The following CDH18 variants were observed in gnomAD, a reference collection of about 807,000 sequenced individuals.
The protein encoded by CDH18 is cadherin 18.
In CDH18, 31 loss-of-function variants were observed where a neutral mutation model predicts 67.9. The observed-to-expected ratio is 0.46, with a 90% confidence interval of 0.34 to 0.62. The LOEUF is 0.62. Ranked by LOEUF, CDH18 falls within the 20% of genes least tolerant of loss-of-function variation. The probability of loss-of-function intolerance (pLI) is 0.01; values close to 1 mark genes in which losing one functional copy is unlikely to be tolerated. For missense variants in CDH18, 890 were observed against 975.5 expected, an observed-to-expected ratio of 0.91 and a Z score of 1.17; for synonymous variants, 362 against 347.2, an observed-to-expected ratio of 1.04 and a Z score of -0.48.
chr5:20,497,022 G>T (rs1753950480), intron 1 of CDH18, among the ~76,000 whole-genome samples: 1 of 151,960 alleles, frequency 6.6e-6, no homozygotes, highest in Admixed American at 6.6e-5. Context: ...TTTGAACAAA[G>T]ATTTGAAGGA....
chr5:20,213,852 T>C (rs1740547199), intron 2 of CDH18, among the ~76,000 whole-genome samples: 1 of 152,056 alleles, frequency 6.6e-6, no homozygotes, highest in Non-Finnish European at 1.5e-5. Context: ...TGTTGATCTT[T>C]TATACGATTC....
intron 1 of CDH18, among the ~76,000 whole-genome samples, chr5:20,408,679 C>T (rs1173421288): frequency 6.6e-6 from 1 of 151,310 alleles, no homozygotes; most frequent in Non-Finnish European, 1.5e-5. Context: ...GAAAAAAGTG[C>T]CTAAGAACTA....
intron 2 of CDH18, among the ~76,000 whole-genome samples, chr5:20,173,316 A>G (rs1290069492): frequency 6.6e-6 from 1 of 152,176 alleles, no homozygotes; most frequent in Non-Finnish European, 1.5e-5. Flanking sequence ...TAAAAAGCAA[A>G]TCTCGGAAGT....
chr5:20,051,755 G>C (rs769141551), intron 2 of CDH18, among the ~76,000 whole-genome samples: 1 of 151,958 alleles, frequency 6.6e-6, no homozygotes, highest in Non-Finnish European at 1.5e-5. Flanking sequence ...TACATAAGTT[G>C]AAAATAATTC....
intron 2 of CDH18, among the ~76,000 whole-genome samples, chr5:19,926,483 T>G (rs1793099121): frequency 6.6e-6 from 1 of 152,152 alleles, no homozygotes; most frequent in Admixed American, 6.6e-5. Flanking sequence ...AATCAAAATA[T>G]TCTCAATTTT....
chr5:20,506,734 C>T (rs1483474072), intron 1 of CDH18, among the ~76,000 whole-genome samples: 1 of 152,226 alleles, frequency 6.6e-6, no homozygotes, highest in Non-Finnish European at 1.5e-5. Context: ...TATTGTTACA[C>T]AGCAATGAAT....
At chr5:19,718,594 T>C (rs1397951989) in intron 5 of CDH18, among the ~76,000 whole-genome samples, 3 of 151,984 alleles carry the variant, frequency 2.0e-5, no homozygotes, top group African/African-American at 4.8e-5. Flanking sequence ...TTTTATACCC[T>C]ACTTAGCACT....
At chr5:20,165,050 T>C (rs1276028353) in intron 2 of CDH18, among the ~76,000 whole-genome samples, 1 of 152,160 alleles carries the variant, frequency 6.6e-6, no homozygotes, top group Non-Finnish European at 1.5e-5. Flanking sequence ...AAGGATTAAG[T>C]AGATTTTGAC....
chr5:19,639,543 C>A (rs1048381701), intron 5 of CDH18, among the ~76,000 whole-genome samples: 1 of 152,128 alleles, frequency 6.6e-6, no homozygotes, highest in African/African-American at 2.4e-5. Context: ...TGGGACAAAG[C>A]GACTACACCC....
intron 5 of CDH18, among the ~76,000 whole-genome samples, chr5:19,711,650 T>TAAAAAAAAA (rs3062941): frequency 1.3e-4 from 15 of 115,522 alleles, no homozygotes; most frequent in African/African-American, 4.0e-4. Flanking sequence ...TAGTATAAAG[T>TAAAAAAAAA]AAAAAAAAAA....
chr5:19,638,729 A>T (rs1336296051), intron 5 of CDH18, among the ~76,000 whole-genome samples: 1 of 151,852 alleles, frequency 6.6e-6, no homozygotes, highest in Non-Finnish European at 1.5e-5. Flanking sequence ...GAGTTCAGTT[A>T]AAAAGCTGCA....
intron 2 of CDH18, among the ~76,000 whole-genome samples, chr5:20,225,823 T>A (rs1258676980): frequency 1.3e-5 from 2 of 152,066 alleles, no homozygotes. Context: ...GGTACTTAGA[T>A]GTGAAATGGA....
chr5:19,757,822 T>C (rs573193290), intron 3 of CDH18, among the ~76,000 whole-genome samples: 1 of 152,342 alleles, frequency 6.6e-6, no homozygotes, highest in South Asian at 2.1e-4. Context: ...ACTCCTTCCA[T>C]GCAAAGTGCA....
intron 5 of CDH18, among the ~76,000 whole-genome samples, chr5:19,693,378 A>C (rs543119500): frequency 2.0e-5 from 3 of 152,232 alleles, no homozygotes; most frequent in African/African-American, 2.4e-5. Flanking sequence ...AAGAGTTTAA[A>C]AAATTCAATT....
intron 2 of CDH18, among the ~76,000 whole-genome samples, chr5:19,881,663 C>T (rs968935803): frequency 1.1e-4 from 17 of 151,930 alleles, no homozygotes; most frequent in Admixed American, 6.6e-4. Context: ...TGCACCACCA[C>T]GCCCAGCTAA....
intron 2 of CDH18, among the ~76,000 whole-genome samples, chr5:19,919,882 G>C (rs539439742): frequency 6.6e-6 from 1 of 152,248 alleles, no homozygotes; most frequent in East Asian, 1.9e-4. Context: ...GTTGAAAGAA[G>C]AGGCAGTCCT....
intron 2 of CDH18, among the ~76,000 whole-genome samples, chr5:20,186,848 G>A (rs953501187): frequency 6.6e-6 from 1 of 151,760 alleles, no homozygotes; most frequent in Non-Finnish European, 1.5e-5. Context: ...TAAATCCATG[G>A]TTATAGCAGC....
At chr5:20,450,337 A>T (rs1399999557) in intron 1 of CDH18, among the ~76,000 whole-genome samples, 1 of 152,174 alleles carries the variant, frequency 6.6e-6, no homozygotes, top group East Asian at 1.9e-4. Flanking sequence ...ACAAAAGAGA[A>T]ACTCTGTCTC....
chr5:19,519,260 A>G (rs993220833), intron 10 of CDH18, among the ~76,000 whole-genome samples: 1 of 152,232 alleles, frequency 6.6e-6, no homozygotes, highest in Non-Finnish European at 1.5e-5. Flanking sequence ...ACATTGAGAT[A>G]GACATATATT....
Sources: gnomAD v4.1 joint callset for allele counts (sites outside exome capture counted in the v4.1 genomes callset) on GRCh38, gnomAD v4.1.1 for gene constraint, MANE v1.5 for transcripts, NCBI Gene and HGNC (gene_info 2026-07-23, HGNC 2026-07-21) for gene names.